MLKL: variants seen among roughly 807,000 people sequenced by gnomAD.
MLKL encodes the protein mixed lineage kinase domain-like protein.
In MLKL, 55 loss-of-function variants were observed where a neutral mutation model predicts 56.5. The observed-to-expected ratio is 0.97, with a 90% confidence interval of 0.78 to 1.22. The LOEUF (loss-of-function observed/expected upper bound fraction) is 1.22, where lower values mean the gene tolerates loss of function less well. Ranked by LOEUF, MLKL falls within the 50% of genes most tolerant of loss-of-function variation. MLKL has a pLI of 0.00. For missense variants in MLKL, 694 were observed against 573.9 expected (o/e 1.21, Z -2.14); for synonymous variants, 251 against 208.3 (o/e 1.20, Z -1.76).
chr16:74,678,894 C>T lies in MLKL; in HGVS notation c.1038+5G>A, dbSNP rs1400620506. The T allele has an allele frequency of 6.2e-7, 1 of 1,613,876 alleles. No individual in the cohort carries two copies. The highest frequency in any genetic ancestry group is 8.5e-7 in the Non-Finnish European group (1 of 1,179,888). ...ACCCAAAGCGCCCCCGCAAGGCACA[C>T]TCACCTTCACTTGGTAGCCTTGAGT... is the stretch of plus-strand genomic sequence containing the variant. On this transcript the variant is annotated splice_donor_5th_base_variant and intron_variant, in intron 7 of 10. Transcript: ENST00000308807.
At position 74,675,360 on chromosome 16, in the gene MLKL, A is replaced by G. The variant is rs371428321; in HGVS notation, c.1235T>C (p.Phe412Ser). The G allele has an allele frequency of 6.2e-7, 1 of 1,614,072 alleles. No individual in the cohort carries two copies. Among genetic ancestry groups the G allele is most frequent in the Non-Finnish European group, 8.5e-7 (1 of 1,180,046 alleles). The change falls in exon 9 of 11, where the codon TTT becomes TCT. Residue 412 changes from phenylalanine (F) to serine (S), a missense_variant. Physicochemically the swap from Phe to Ser is radical, Grantham distance 155. Transcript: ENST00000308807. ...CCAGTCTTCACATTCTTCACCTTGA[A>G]ACGGGATATCTCCAGTGGCGATTTC... ...LWEIATGDIP[F>S]QGCNSEKIRK...
chr16:74,691,150 G>C, intron 4 of MLKL, 127 bp downstream of exon 4: 1 of 784,006 alleles, frequency 1.3e-6, no homozygotes, highest in Non-Finnish European at 2.1e-6. Context: ...CTTAACAGTG[G>C]AGAGCACATA....
intron 10 of MLKL, among the ~76,000 whole-genome samples, chr16:74,673,079 G>A (rs1018615361): frequency 2.6e-5 from 4 of 152,318 alleles, no homozygotes; most frequent in Non-Finnish European, 2.9e-5. Flanking sequence ...CTCAGGTAGT[G>A]TGAGAGGTTT....
chr16:74,678,578 G>C (rs1450942579), intron 7 of MLKL, among the ~76,000 whole-genome samples: 2 of 152,200 alleles, frequency 1.3e-5, no homozygotes, highest in African/African-American at 4.8e-5. Context: ...GAGGCCAGGA[G>C]TTCAAAACCA....
Position 74,689,714 on chromosome 16 carries a change from A to G in MLKL, c.722+1563T>C, listed in dbSNP as rs144799764. On this transcript the variant is annotated intron_variant, in intron 4 of 10. Transcript: ENST00000308807. ...GACAAATTGATCAGTGGGAAAGATT[A>G]GACAGATCAGAGTCAGATCTATGTC... is the stretch of plus-strand genomic sequence containing the variant. Among the ~76,000 whole-genome samples, 109 of 152,314 alleles carry G rather than the reference A, an allele frequency of 7.2e-4. 1 individual carries two copies. The highest frequency in any genetic ancestry group is 2.4e-3 in the Admixed American group (37 of 15,294).
intron 2 of MLKL, among the ~76,000 whole-genome samples, chr16:74,694,737 G>C (rs1234943808): frequency 6.6e-6 from 1 of 152,120 alleles, no homozygotes; most frequent in Non-Finnish European, 1.5e-5. Context: ...CCTCTAGCCC[G>C]TGCAACAGAG....
At position 74,700,229 on chromosome 16, in the gene MLKL, C is replaced by CCTCCACGACCCCCACTGCTACTGGGCGT. The variant is rs1196776137; in HGVS notation, c.-3+196_-3+223dup. Among the ~76,000 whole-genome samples, 131 of 152,256 alleles carry CCTCCACGACCCCCACTGCTACTGGGCGT rather than the reference C, an allele frequency of 8.6e-4. 1 individual carries two copies. Among genetic ancestry groups the CCTCCACGACCCCCACTGCTACTGGGCGT allele is most frequent in the African/African-American group, 2.9e-3 (122 of 41,524 alleles). On this transcript the variant is annotated intron_variant, in intron 1 of 10. Transcript: ENST00000308807. The stretch of plus-strand genomic sequence containing the variant: ...AGGTAACTTGTTCCCGTGCCCCTGC[C>CCTCCACGACCCCCACTGCTACTGGGCGT]CTCCACGACCCCCACTGCTACTGGG...
At chr16:74,681,653 G>C (rs1401107008) in intron 6 of MLKL, among the ~76,000 whole-genome samples, 2 of 151,924 alleles carry the variant, frequency 1.3e-5, no homozygotes, top group East Asian at 2.0e-4. Flanking sequence ...AATTAGCCAG[G>C]CGTAGTGGCA....
intron 5 of MLKL, among the ~76,000 whole-genome samples, chr16:74,684,869 T>G (rs1960231594): frequency 6.6e-6 from 1 of 151,930 alleles, no homozygotes; most frequent in Non-Finnish European, 1.5e-5. Flanking sequence ...GCTTTATAAT[T>G]TATTTTTATT....
At chr16:74,691,564 T>G in intron 3 of MLKL, 101 bp from the exon 4 acceptor site, 3 of 1,299,908 alleles carry the variant, frequency 2.3e-6, no homozygotes, top group Non-Finnish European at 3.2e-6. Context: ...TGGGAAGCTC[T>G]ACTACATGAA....
At chr16:74,697,851 G>T (rs867276731) in intron 1 of MLKL, among the ~76,000 whole-genome samples, 3 of 151,998 alleles carry the variant, frequency 2.0e-5, no homozygotes, top group Non-Finnish European at 4.4e-5. Context: ...AAGATGCTGC[G>T]GTTCAGGGAG....
Position 74,695,750 on chromosome 16 carries a change from T to G in MLKL, c.8A>C (p.Asn3Thr). 6.3e-7 allele frequency: 1 copy of G among 1,584,798 alleles called. No homozygotes were observed. Among genetic ancestry groups the G allele is most frequent in the Non-Finnish European group, 8.6e-7 (1 of 1,164,776 alleles). Residue 3 changes from asparagine (N) to threonine (T), a missense_variant, in exon 2 of 11, where the codon AAT (asparagine) becomes ACT (threonine). Physicochemically the swap from Asn to Thr is moderately conservative, Grantham distance 65. Transcript: ENST00000308807. ME[N>T]LKHIITLGQV... ...GCCAAGGGTGATAATATGCTTCAAATTTTCCATGCCTGGAAGAAATGAATG... is the reference window on the plus strand; with the variant it reads ...GCCAAGGGTGATAATATGCTTCAAAGTTTCCATGCCTGGAAGAAATGAATG...
intron 4 of MLKL, among the ~76,000 whole-genome samples, chr16:74,690,271 T>C (rs1960584932): frequency 6.6e-6 from 1 of 152,206 alleles, no homozygotes; most frequent in Admixed American, 6.5e-5. Flanking sequence ...TGGATAACAC[T>C]AAGGGTTGGT....
intron 5 of MLKL, 143 bp downstream of exon 5, chr16:74,685,340 GAAA>G: frequency 5.8e-6 from 3 of 513,182 alleles, no homozygotes; most frequent in Non-Finnish European, 3.4e-6. Flanking sequence ...ATCTTGGGAT[GAAA>G]AAAAAAAAAT....
chr16:74,685,777 C>T (rs1960289779), intron 4 of MLKL, among the ~76,000 whole-genome samples, 194 bp from the exon 5 acceptor site: 1 of 152,168 alleles, frequency 6.6e-6, no homozygotes, highest in African/African-American at 2.4e-5. Context: ...CAATTAGTCC[C>T]TCGGGGTCTG....
chr16:74,698,124 G>A (rs1961161105), intron 1 of MLKL, among the ~76,000 whole-genome samples: 1 of 152,126 alleles, frequency 6.6e-6, no homozygotes, highest in East Asian at 1.9e-4. Context: ...AGAATTGATT[G>A]AGGCTGGGAG....
At chr16:74,684,573 C>G (rs1960212943) in intron 5 of MLKL, among the ~76,000 whole-genome samples, 1 of 151,622 alleles carries the variant, frequency 6.6e-6, no homozygotes, top group East Asian at 1.9e-4. Context: ...CGGCTCACTG[C>G]AAACTCCGCC....
At chr16:74,679,024 C>T (rs1432044851) in intron 6 of MLKL, 44 bp from the exon 7 acceptor site, 1 of 1,514,874 alleles carries the variant, frequency 6.6e-7, no homozygotes, top group Non-Finnish European at 9.2e-7. Context: ...TTTGCCCAAA[C>T]TTTCTTTGGG....
At chr16:74,687,628 A>G (rs1364117483) in intron 4 of MLKL, among the ~76,000 whole-genome samples, 4 of 152,194 alleles carry the variant, frequency 2.6e-5, no homozygotes, top group African/African-American at 7.2e-5. Flanking sequence ...AATGGAATAG[A>G]ATTGGGGGTC....
Sources: gnomAD v4.1 joint callset for allele counts (sites outside exome capture counted in the v4.1 genomes callset) on GRCh38, gnomAD v4.1.1 for gene constraint, MANE v1.5 for transcripts, NCBI Gene and HGNC (gene_info 2026-07-23, HGNC 2026-07-21) for gene names.